The following NKAIN2 variants were observed in gnomAD, a reference collection of about 807,000 sequenced individuals.
NKAIN2 encodes sodium/potassium-transporting ATPase subunit beta-1-interacting protein 2.
A neutral mutation model predicts 32.6 loss-of-function variants in NKAIN2; 14 were observed. The observed-to-expected ratio is 0.43, with a 90% CI of 0.28 to 0.67. The LOEUF (loss-of-function observed/expected upper bound fraction) is 0.67, where lower values mean the gene tolerates loss of function less well. Ranked by LOEUF, NKAIN2 falls within the 30% of genes least tolerant of loss-of-function variation. The probability of loss-of-function intolerance (pLI) is 0.17; values close to 1 mark genes in which losing one functional copy is unlikely to be tolerated. For synonymous variants in NKAIN2, 80 were observed against 87.2 expected (o/e 0.92, Z 0.46); for missense variants, 198 against 258.3 (o/e 0.77, Z 1.60).
intron 1 of NKAIN2, among the ~76,000 whole-genome samples, chr6:124,013,007 C>T (rs1780406923): frequency 6.6e-6 from 1 of 152,126 alleles, no homozygotes; most frequent in South Asian, 2.1e-4. Flanking sequence ...TATGCTCAGT[C>T]TCCTTAATTT....
At chr6:123,852,452 A>G (rs1036569645) in intron 1 of NKAIN2, among the ~76,000 whole-genome samples, 8 of 151,958 alleles carry the variant, frequency 5.3e-5, no homozygotes, top group South Asian at 2.1e-4. Flanking sequence ...AGTCTCCCCA[A>G]CCTCCACTGT....
At chr6:124,817,595 T>C (rs1434073809) in intron 5 of NKAIN2, among the ~76,000 whole-genome samples, 2 of 152,174 alleles carry the variant, frequency 1.3e-5, no homozygotes, top group Admixed American at 6.5e-5. Flanking sequence ...GTGTCATTTA[T>C]AGCATAGTCA....
intron 5 of NKAIN2, chr6:124,794,867 C>T (rs1004815978): frequency 1.5e-4 from 141 of 967,844 alleles, no homozygotes; most frequent in Non-Finnish European, 1.6e-4. Flanking sequence ...ATATGACTTC[C>T]GATCCATAGA....
chr6:124,582,947 C>A (rs1028627878), intron 3 of NKAIN2, among the ~76,000 whole-genome samples: 1 of 151,994 alleles, frequency 6.6e-6, no homozygotes, highest in East Asian at 1.9e-4. Context: ...CCCTAAAAAA[C>A]TAGGTATAGA....
At chr6:124,034,769 C>T (rs970095276) in intron 1 of NKAIN2, among the ~76,000 whole-genome samples, 1 of 151,998 alleles carries the variant, frequency 6.6e-6, no homozygotes, top group Non-Finnish European at 1.5e-5. Flanking sequence ...TTTTCACATC[C>T]TCACCAACAC....
At chr6:124,090,822 T>C (rs1450398116) in intron 1 of NKAIN2, among the ~76,000 whole-genome samples, 2 of 151,984 alleles carry the variant, frequency 1.3e-5, no homozygotes, top group Non-Finnish European at 2.9e-5. Context: ...TTCAGTGCAT[T>C]TAACTATGAA....
intron 1 of NKAIN2, among the ~76,000 whole-genome samples, chr6:123,838,052 G>C (rs1421460388): frequency 6.6e-6 from 1 of 152,042 alleles, no homozygotes; most frequent in Non-Finnish European, 1.5e-5. Flanking sequence ...CATAATAGGA[G>C]AAAAAGTTAG....
chr6:124,400,014 C>T (rs932982104), intron 3 of NKAIN2, among the ~76,000 whole-genome samples: 1 of 152,176 alleles, frequency 6.6e-6, no homozygotes, highest in African/African-American at 2.4e-5. Flanking sequence ...AAATTAGAGA[C>T]TATGTGAGAT....
At position 123,932,406 on chromosome 6, in the gene NKAIN2, C is replaced by CTTTTTTTTT. The variant is rs57063550; in HGVS notation, c.54+128172_54+128180dup. ...GAGAAGTTTGGCCTTTTCTGTCTTT[C>CTTTTTTTTT]TTTTTTTTTTTTTTTTTTTTTTTTT... On this transcript the variant is annotated intron_variant, in intron 1 of 6. Coordinates refer to ENST00000368417, the MANE Select transcript of NKAIN2 (RefSeq NM_001040214.3). Among the ~76,000 whole-genome samples, 44 of 104,426 alleles carry CTTTTTTTTT rather than the reference C, an allele frequency of 4.2e-4. 1 individual carries two copies. Among genetic ancestry groups the CTTTTTTTTT allele is most frequent in the East Asian group, 2.0e-3 (8 of 4,062 alleles). The allele number at this position is 104,426 out of a possible 152,430, so 68.5% of individuals were successfully genotyped here.
chr6:124,505,111 C>T (rs1261795804), intron 3 of NKAIN2, among the ~76,000 whole-genome samples: 1 of 152,100 alleles, frequency 6.6e-6, no homozygotes, highest in East Asian at 1.9e-4. Flanking sequence ...CAAATTCATA[C>T]AAGATAACAT....
intron 3 of NKAIN2, among the ~76,000 whole-genome samples, chr6:124,435,826 A>G (rs1775417487): frequency 6.6e-6 from 1 of 152,158 alleles, no homozygotes; most frequent in South Asian, 2.1e-4. Flanking sequence ...AAAAGTCCCA[A>G]AGCCTAACTA....
At chr6:124,195,872 G>T (rs942531443) in intron 1 of NKAIN2, among the ~76,000 whole-genome samples, 1 of 151,894 alleles carries the variant, frequency 6.6e-6, no homozygotes, top group Admixed American at 6.6e-5. Flanking sequence ...TACTATCCCA[G>T]TGTTGCCTCA....
At chr6:124,716,157 A>G (rs1292007418) in intron 4 of NKAIN2, among the ~76,000 whole-genome samples, 2 of 152,196 alleles carry the variant, frequency 1.3e-5, no homozygotes, top group Admixed American at 6.5e-5. Flanking sequence ...TTAAGACCTC[A>G]TCTTGCTTTG....
intron 1 of NKAIN2, among the ~76,000 whole-genome samples, chr6:123,975,094 G>C (rs1778498606): frequency 6.6e-6 from 1 of 152,126 alleles, no homozygotes; most frequent in African/African-American, 2.4e-5. Context: ...TTATTAACCT[G>C]TCTTGCCAAC....
chr6:124,438,386 G>T (rs1463142544), intron 3 of NKAIN2, among the ~76,000 whole-genome samples: 3 of 152,096 alleles, frequency 2.0e-5, no homozygotes, highest in African/African-American at 4.8e-5. Flanking sequence ...GTCACTCTGG[G>T]TAATTCAGGA....
At chr6:124,808,722 A>C (rs550938230) in intron 5 of NKAIN2, among the ~76,000 whole-genome samples, 2 of 152,346 alleles carry the variant, frequency 1.3e-5, no homozygotes, top group East Asian at 3.9e-4. Context: ...ATGATTGTAT[A>C]TCTAGAAAAC....
At chr6:124,758,631 C>A (rs992838177) in intron 4 of NKAIN2, among the ~76,000 whole-genome samples, 2 of 152,158 alleles carry the variant, frequency 1.3e-5, no homozygotes, top group African/African-American at 4.8e-5. Flanking sequence ...GTTGCAGAGC[C>A]TCACTGATTA....
chr6:123,971,501 TCTTTGTGTCAGTTTGGATGGAAACCTGA>T (rs1778340094), intron 1 of NKAIN2, among the ~76,000 whole-genome samples: 2 of 152,156 alleles, frequency 1.3e-5, no homozygotes, highest in African/African-American at 2.4e-5. Flanking sequence ...GTAGTCAATC[TCTTTGTGTCAGTTTGGATGGAAACCTGA>T]CTTTGTGTCA....
chr6:124,778,923 G>T (rs1303196953), intron 4 of NKAIN2, among the ~76,000 whole-genome samples: 1 of 152,092 alleles, frequency 6.6e-6, no homozygotes, highest in Non-Finnish European at 1.5e-5. Flanking sequence ...CAAATGAGGA[G>T]AATTAATATA....
Sources: gnomAD v4.1 joint callset for allele counts (sites outside exome capture counted in the v4.1 genomes callset) on GRCh38, gnomAD v4.1.1 for gene constraint, MANE v1.5 for transcripts, NCBI Gene and HGNC (gene_info 2026-07-23, HGNC 2026-07-21) for gene names.